The following CPEB3 variants were observed in gnomAD, a reference collection of about 807,000 sequenced individuals.
CPEB3 encodes the protein cytoplasmic polyadenylation element binding protein 3.
In CPEB3, 20 loss-of-function variants were observed where a neutral mutation model predicts 67.2. That is an observed-to-expected ratio of 0.30 (90% CI 0.21 to 0.43). The LOEUF (loss-of-function observed/expected upper bound fraction) is 0.43, where lower values mean the gene tolerates loss of function less well. Ranked by LOEUF, CPEB3 falls within the 20% of genes least tolerant of loss-of-function variation. The pLI is 1.00. For missense variants in CPEB3, 746 were observed against 968.6 expected, an observed-to-expected ratio of 0.77 and a Z score of 3.05; for synonymous variants, 376 against 393.1, an observed-to-expected ratio of 0.96 and a Z score of 0.51.
intron 9 of CPEB3, among the ~76,000 whole-genome samples, chr10:92,079,537 T>A (rs1217806789): frequency 6.6e-6 from 1 of 152,228 alleles, no homozygotes; most frequent in East Asian, 1.9e-4. Context: ...ATTTAAAGAA[T>A]GTTTCAAAAT....
chr10:92,151,477 C>A (rs1028143860), intron 4 of CPEB3, among the ~76,000 whole-genome samples: 6 of 152,192 alleles, frequency 3.9e-5, no homozygotes, highest in African/African-American at 1.4e-4. Flanking sequence ...GAACAAAAAA[C>A]ATTTCACTTA....
intron 6 of CPEB3, among the ~76,000 whole-genome samples, chr10:92,111,807 T>C (rs541352373): frequency 2.6e-5 from 4 of 152,206 alleles, no homozygotes; most frequent in Non-Finnish European, 5.9e-5. Context: ...GTGAGTTGTA[T>C]GGTATGTGAA....
intron 1 of CPEB3, among the ~76,000 whole-genome samples, chr10:92,279,112 T>C (rs1304230575): frequency 6.6e-6 from 1 of 152,190 alleles, no homozygotes; most frequent in African/African-American, 2.4e-5. Context: ...TCTTGCCTTG[T>C]TCCTGATCAT....
intron 6 of CPEB3, chr10:92,137,332 C>T: frequency 1.2e-6 from 1 of 814,272 alleles, no homozygotes. Flanking sequence ...TACCCCTGGC[C>T]ATATATCTGA....
intron 9 of CPEB3, among the ~76,000 whole-genome samples, chr10:92,064,816 G>A (rs1842486200): frequency 1.3e-5 from 2 of 152,066 alleles, no homozygotes; most frequent in Admixed American, 6.5e-5. Flanking sequence ...GCTGTCCCGT[G>A]GTCACTGTTT....
At chr10:92,107,480 T>G (rs1844529011) in intron 7 of CPEB3, among the ~76,000 whole-genome samples, 1 of 152,240 alleles carries the variant, frequency 6.6e-6, no homozygotes, top group African/African-American at 2.4e-5. Flanking sequence ...CTTTTCAAGA[T>G]TACTCTTTTT....
chr10:92,057,653 T>G (rs1406000837), intron 9 of CPEB3, among the ~76,000 whole-genome samples: 1 of 152,218 alleles, frequency 6.6e-6, no homozygotes, highest in Non-Finnish European at 1.5e-5. Context: ...CAAAAGCCAG[T>G]ACTGTGCCGG....
Position 92,239,956 on chromosome 10 carries a change from C to T in CPEB3, c.395G>A (p.Gly132Glu), listed in dbSNP as rs371021105. The change falls in exon 2 of 10, where the codon GGG becomes GAG. Residue 132 changes from glycine (G) to glutamate (E), a missense_variant. Physicochemically the swap from Gly to Glu is moderately conservative, Grantham distance 98 (BLOSUM62 -2). Around this residue, in one of 2 missense-constraint regions of CPEB3, gnomAD observed 643 missense variants for 717.5 expected, o/e 0.90. Coordinates refer to ENST00000265997, the MANE Select transcript of CPEB3 (RefSeq NM_014912.5). The surrounding 1 kb of genome is among the most constrained non-coding windows in gnomAD (Gnocchi z 6.0). ...SFFQGITPVN[G>E]TMLFQNFPHH... ...CGGGAAGTTCTGGAAGAGCATGGTC[C>T]CGTTGACTGGGGTGATCCCCTGGAA... 3.0e-5 allele frequency: 48 copies of T among 1,613,224 alleles called. No individual in the cohort carries two copies. Among genetic ancestry groups the T allele is most frequent in the Non-Finnish European group, 3.8e-5 (45 of 1,179,694 alleles).
At chr10:92,065,129 A>C (rs1842495944) in intron 9 of CPEB3, among the ~76,000 whole-genome samples, 1 of 152,222 alleles carries the variant, frequency 6.6e-6, no homozygotes, top group Non-Finnish European at 1.5e-5. Flanking sequence ...CATGATAGAT[A>C]ATGTCCCCCA....
chr10:92,264,401 G>A (rs748736341), intron 1 of CPEB3, among the ~76,000 whole-genome samples: 1 of 151,792 alleles, frequency 6.6e-6, no homozygotes, highest in African/African-American at 2.4e-5. Flanking sequence ...ATAAGCTCAG[G>A]TCTATTTTTA....
At chr10:92,161,957 G>A (rs1035848275) in intron 4 of CPEB3, among the ~76,000 whole-genome samples, 6 of 152,090 alleles carry the variant, frequency 3.9e-5, no homozygotes, top group Non-Finnish European at 7.4e-5. Context: ...CACTGCGCCC[G>A]GCTGACTCCA....
At chr10:92,065,179 A>G (rs952417452) in intron 9 of CPEB3, among the ~76,000 whole-genome samples, 2 of 152,182 alleles carry the variant, frequency 1.3e-5, no homozygotes, top group African/African-American at 4.8e-5. Flanking sequence ...GGTTGCAAAT[A>G]TATGACTCAA....
chr10:92,256,299 A>G (rs953647602), intron 1 of CPEB3, among the ~76,000 whole-genome samples: 3 of 152,112 alleles, frequency 2.0e-5, no homozygotes, highest in Admixed American at 2.0e-4. Flanking sequence ...AATCCTGAGT[A>G]ATCATTCGAA....
intron 6 of CPEB3, among the ~76,000 whole-genome samples, chr10:92,111,986 A>C (rs953761392): frequency 1.3e-5 from 2 of 152,214 alleles, no homozygotes; most frequent in Admixed American, 1.3e-4. Flanking sequence ...GTAGGTCTAG[A>C]AAAATGGACA....
chr10:92,148,554 T>C (rs763769961), intron 4 of CPEB3, among the ~76,000 whole-genome samples: 3 of 152,104 alleles, frequency 2.0e-5, no homozygotes, highest in Non-Finnish European at 4.4e-5. Flanking sequence ...TTTTATTGAG[T>C]ATCTCTTTCC....
At position 92,126,305 on chromosome 10, in the gene CPEB3, C is replaced by T. The variant is rs980181496; in HGVS notation, c.1454-15111G>A. Among the ~76,000 whole-genome samples, 4 of 152,154 alleles carry T rather than the reference C, an allele frequency of 2.6e-5. No individual in the cohort carries two copies. In the East Asian group the frequency reaches 7.7e-4, roughly 29 times the overall value. The stretch of plus-strand genomic sequence containing the variant: ...TTATAGCTCCTGTTCTTGGACTCCC[C>T]TTGTTACTCATAACCACACCCCTGA... On this transcript the variant is annotated intron_variant, in intron 6 of 9. Transcript: ENST00000265997.
At chr10:92,217,053 A>AT (rs1375995078) in intron 2 of CPEB3, among the ~76,000 whole-genome samples, 1,699 of 150,454 alleles carry the variant, frequency 0.011, 38 homozygotes, top group African/African-American at 0.039. Context: ...AAAAAAAAAA[A>AT]AAAAATTGGC....
At chr10:92,110,235 C>T (rs776573204) in intron 7 of CPEB3, among the ~76,000 whole-genome samples, 8 of 152,294 alleles carry the variant, frequency 5.3e-5, no homozygotes, top group South Asian at 4.1e-4. Flanking sequence ...ATACAAAGGC[C>T]GCTGCAGGCC....
At chr10:92,138,970 G>A (rs10882025) in intron 6 of CPEB3, among the ~76,000 whole-genome samples, 59,160 of 152,006 alleles carry the variant, frequency 0.39, 12,294 homozygotes, top group African/African-American at 0.53. Context: ...ATCAACAGAC[G>A]AATGGATAAA....
Sources: allele counts gnomAD v4.1 joint callset (sites outside exome capture counted in the v4.1 genomes callset), GRCh38; gene constraint gnomAD v4.1.1; regional missense constraint gnomAD v4.1.1; non-coding constraint Gnocchi (gnomAD v3.1); transcripts MANE v1.5; gene names NCBI Gene and HGNC (gene_info 2026-07-23, HGNC 2026-07-21).